The following DLGAP4 variants were observed in gnomAD, a reference collection of about 807,000 sequenced individuals.
The protein encoded by DLGAP4 is disks large-associated protein 4.
In DLGAP4, 18 loss-of-function variants were observed where a neutral mutation model predicts 86.9. That is an observed-to-expected ratio of 0.21 (90% CI 0.14 to 0.31). The LOEUF is 0.31. Ranked by LOEUF, DLGAP4 falls within the 10% of genes least tolerant of loss-of-function variation. The pLI, the probability that DLGAP4 is intolerant of heterozygous loss-of-function variation, is 1.00. For synonymous variants in DLGAP4, 548 were observed against 574.3 expected (o/e 0.95, Z 0.65); for missense variants, 1,085 against 1,362.6 (o/e 0.80, Z 3.21).
chr20:36,508,340 T>C (rs749102061), intron 10 of DLGAP4: 8 of 151,994 alleles, frequency 5.3e-5, no homozygotes, highest in African/African-American at 1.2e-4. Flanking sequence ...CTTTGATACA[T>C]AGAGATCTAG....
At chr20:36,319,088 A>C (rs553824228) in intron 1 of DLGAP4, among the ~76,000 whole-genome samples, 1 of 151,772 alleles carries the variant, frequency 6.6e-6, no homozygotes, top group African/African-American at 2.4e-5. Flanking sequence ...GGTTGCAGCA[A>C]GTTGAGATTG....
chr20:36,320,828 A>G (rs1555890473), intron 1 of DLGAP4, among the ~76,000 whole-genome samples: 1 of 152,160 alleles, frequency 6.6e-6, no homozygotes, highest in Non-Finnish European at 1.5e-5. Context: ...GCCTAAGGCC[A>G]CATCTCTCTA....
At chr20:36,348,729 T>C (rs917572019) in intron 1 of DLGAP4, among the ~76,000 whole-genome samples, 10 of 151,976 alleles carry the variant, frequency 6.6e-5, no homozygotes, top group Non-Finnish European at 1.3e-4. Context: ...GCTTACTTTC[T>C]AGAAGGGGAA....
chr20:36,439,008 A>T (rs1411318768), intron 4 of DLGAP4, among the ~76,000 whole-genome samples: 2 of 152,172 alleles, frequency 1.3e-5, no homozygotes, highest in Non-Finnish European at 2.9e-5. Context: ...AGTGACCAGT[A>T]GGCATTAAGG....
chr20:36,436,183 T>C lies in DLGAP4; in HGVS notation c.1074T>C (p.Pro358=), dbSNP rs761249679. ...PRETDAAAEG[P]IPCRRMRSGS... Reference sequence around the variant, plus strand: ...AGACGGATGCCGCGGCCGAGGGCCCTATCCCGTGCCGGCGCATGCGCAGCG... The same window carrying C: ...AGACGGATGCCGCGGCCGAGGGCCCCATCCCGTGCCGGCGCATGCGCAGCG... The change falls in exon 4 of 13, where the codon CCT becomes CCC. Residue 358 remains proline, a synonymous_variant. Coordinates refer to ENST00000339266, the MANE Select transcript of DLGAP4 (RefSeq NM_001365621.2). 4.4e-6 allele frequency: 7 copies of C among 1,601,050 alleles called. No individual in the cohort carries two copies. In the African/African-American group the frequency reaches 9.4e-5, roughly 21 times the overall value.
intron 1 of DLGAP4, among the ~76,000 whole-genome samples, chr20:36,355,161 C>G (rs2030284075): frequency 1.3e-5 from 2 of 152,322 alleles, no homozygotes; most frequent in South Asian, 4.1e-4. Context: ...CAGGCAACCA[C>G]TGATCTGCTT....
intron 7 of DLGAP4, among the ~76,000 whole-genome samples, chr20:36,457,385 A>ATT (rs869167974): frequency 7.2e-4 from 91 of 126,330 alleles, no homozygotes; most frequent in Non-Finnish European, 1.2e-3. Context: ...CGCCCGGCTA[A>ATT]TTTTTTTTTT....
At position 36,314,331 on chromosome 20, in the gene DLGAP4, CGT is replaced by C. The variant is rs1159613593; in HGVS notation, c.-304+7841_-304+7842del. Reference sequence around the variant, plus strand: ...GTCCTTCCCACTCCCTGTGTGTGTGCGTGTGTGTGTGTGTGTGTGTGTGGTGT... The same window carrying C: ...GTCCTTCCCACTCCCTGTGTGTGTGCGTGTGTGTGTGTGTGTGTGTGGTGT... On this transcript the variant is annotated intron_variant, in intron 1 of 12. Transcript: ENST00000339266. Among the ~76,000 whole-genome samples, 199 of 110,644 alleles carry C rather than the reference CGT, an allele frequency of 1.8e-3. 1 individual carries two copies. The highest frequency in any genetic ancestry group is 7.6e-3 in the African/African-American group (167 of 21,844). The allele number at this position is 110,644 out of a possible 152,430, so 72.6% of individuals were successfully genotyped here.
intron 1 of DLGAP4, among the ~76,000 whole-genome samples, chr20:36,359,503 G>C (rs918442674): frequency 6.6e-5 from 10 of 152,158 alleles, no homozygotes; most frequent in African/African-American, 1.7e-4. Context: ...CTGAGACTTA[G>C]GGAGAGATCT....
chr20:36,394,249 C>CGT (rs1375304149), intron 2 of DLGAP4, among the ~76,000 whole-genome samples: 1 of 152,168 alleles, frequency 6.6e-6, no homozygotes, highest in Non-Finnish European at 1.5e-5. Flanking sequence ...GTTATCCGCC[C>CGT]GTGTGGTTAG....
intron 1 of DLGAP4, among the ~76,000 whole-genome samples, chr20:36,356,956 G>C (rs2030350511): frequency 6.6e-6 from 1 of 152,056 alleles, no homozygotes; most frequent in Admixed American, 6.6e-5. Flanking sequence ...TCCTGAATCT[G>C]TCTGCTGTCT....
intron 4 of DLGAP4, among the ~76,000 whole-genome samples, chr20:36,436,868 C>G (rs1475853814): frequency 1.3e-5 from 2 of 152,204 alleles, no homozygotes; most frequent in Non-Finnish European, 2.9e-5. Flanking sequence ...GCGTGGAAGC[C>G]CCTCCCAGAG....
chr20:36,496,801 C>T lies in DLGAP4; in HGVS notation c.1745C>T (p.Thr582Ile). Reference sequence around the variant, plus strand: ...ATCTCAGTCACAGTCCAGAGCAGTACTGAGTCTGCCCAGGACACCTACCTG... The same window carrying T: ...ATCTCAGTCACAGTCCAGAGCAGTATTGAGTCTGCCCAGGACACCTACCTG... Reference protein sequence around the residue: ...PFISVTVQSSTESAQDTYLDS... With the variant: ...PFISVTVQSSIESAQDTYLDS... The change falls in exon 8 of 13, where the codon ACT becomes ATT. Residue 582 changes from threonine (T) to isoleucine (I), a missense_variant. By Grantham distance (89) the Thr-to-Ile change is moderately conservative. Transcript: ENST00000339266. 1 of 1,614,270 alleles carries T rather than the reference C, an allele frequency of 6.2e-7. No homozygotes were observed. Among genetic ancestry groups the T allele is most frequent in the African/African-American group, 1.3e-5 (1 of 75,064 alleles).
intron 2 of DLGAP4, among the ~76,000 whole-genome samples, chr20:36,391,961 T>C (rs1600473495): frequency 6.6e-6 from 1 of 152,344 alleles, no homozygotes; most frequent in Non-Finnish European, 1.5e-5. Context: ...TTAAGGCTTG[T>C]CCTTTTGGAG....
At chr20:36,436,404 T>C in intron 4 of DLGAP4, 54 bp downstream of exon 4, 1 of 1,513,048 alleles carries the variant, frequency 6.6e-7, no homozygotes. Flanking sequence ...CCCCGCCCAC[T>C]ACGAGTCTTG....
At chr20:36,503,530 C>T (rs2036235943) in intron 10 of DLGAP4, among the ~76,000 whole-genome samples, 1 of 136,888 alleles carries the variant, frequency 7.3e-6, no homozygotes, top group South Asian at 2.3e-4. Context: ...CTCTGTCTTC[C>T]AGGCTGGAGT....
At chr20:36,464,860 AAAAG>A (rs1444735414) in intron 7 of DLGAP4, among the ~76,000 whole-genome samples, 2 of 152,180 alleles carry the variant, frequency 1.3e-5, no homozygotes, top group Non-Finnish European at 2.9e-5. Context: ...CAAAAAAAAA[AAAAG>A]AAGAAACTGT....
At chr20:36,441,699 G>C (rs975822674) in intron 5 of DLGAP4, among the ~76,000 whole-genome samples, 1 of 152,112 alleles carries the variant, frequency 6.6e-6, no homozygotes, top group Non-Finnish European at 1.5e-5. Flanking sequence ...ACGTTTTCTC[G>C]TCTCAGTCTT....
At chr20:36,519,775 T>G (rs2037261764) in intron 10 of DLGAP4, among the ~76,000 whole-genome samples, 1 of 151,806 alleles carries the variant, frequency 6.6e-6, no homozygotes, top group East Asian at 1.9e-4. Flanking sequence ...CTTGATAGCT[T>G]TTGGGGTTTG....
Sources: gnomAD v4.1 joint callset for allele counts (sites outside exome capture counted in the v4.1 genomes callset) on GRCh38, gnomAD v4.1.1 for gene constraint, MANE v1.5 for transcripts, NCBI Gene and HGNC (gene_info 2026-07-23, HGNC 2026-07-21) for gene names.